Variants in ANKRD6 observed in about 807,000 individuals in gnomAD.
The protein encoded by ANKRD6 is ankyrin repeat domain-containing protein 6.
In ANKRD6, 56 loss-of-function variants were observed where a neutral mutation model predicts 82.3. That is an observed-to-expected ratio of 0.68 (90% CI 0.55 to 0.85). The LOEUF is 0.85. Among genes scored for constraint, ANKRD6 ranks in the 40% least tolerant of loss-of-function variants. ANKRD6 has a pLI of 0.00. For missense variants in ANKRD6, 852 were observed against 907.6 expected (o/e 0.94, Z 0.79); for synonymous variants, 347 against 352.1 (o/e 0.99, Z 0.16).
chr6:89,623,099 A>C (rs562802763), intron 10 of ANKRD6, among the ~76,000 whole-genome samples: 17 of 152,132 alleles, frequency 1.1e-4, no homozygotes, highest in African/African-American at 3.6e-4. Flanking sequence ...AAACGATCAA[A>C]AATCTCTAAT....
Position 89,553,739 on chromosome 6 carries a change from C to T in ANKRD6, c.-143-13095C>T, listed in dbSNP as rs1373507157. Among the ~76,000 whole-genome samples, 3 of 152,176 alleles carry T rather than the reference C, an allele frequency of 2.0e-5. No individual in the cohort carries two copies. In the East Asian group the frequency reaches 5.8e-4, roughly 29 times the overall value. ...CAGCGTGCCTCTCGTCTCGCCCTCA[C>T]CAGCAGGACCCACTTCTCCTGCTGA... On this transcript the variant is annotated intron_variant, in intron 1 of 15. Coordinates refer to ENST00000339746, the MANE Select transcript of ANKRD6 (RefSeq NM_001242809.2).
intron 10 of ANKRD6, among the ~76,000 whole-genome samples, 193 bp from the exon 11 acceptor site, chr6:89,623,217 C>T (rs1327175742): frequency 1.3e-5 from 2 of 152,062 alleles, no homozygotes; most frequent in Non-Finnish European, 2.9e-5. Context: ...GCCAAATGTT[C>T]AACCAACCAG....
intron 10 of ANKRD6, among the ~76,000 whole-genome samples, chr6:89,622,474 G>T (rs944749415): frequency 6.6e-6 from 1 of 152,228 alleles, no homozygotes; most frequent in African/African-American, 2.4e-5. Flanking sequence ...CCAGCAATCT[G>T]TGTTGGAACA....
rs1423409706 is a variant in ANKRD6 at position 89,624,059 on chromosome 6, T to C, written c.1218+2T>C. ...GGCAAGGATGGGAAAGTGATGCAGG[T>C]ACCTGCAAAGCAGTGTCAGGAGAAG... On this transcript the variant is annotated splice_donor_variant, in intron 12 of 15. Transcript: ENST00000339746. LOFTEE classifies it high-confidence loss of function. The C allele has an allele frequency of 6.2e-7, 1 of 1,605,130 alleles. No individual in the cohort carries two copies. The highest frequency in any genetic ancestry group is 8.5e-7 in the Non-Finnish European group (1 of 1,176,660).
At chr6:89,547,173 G>T (rs980301090) in intron 1 of ANKRD6, among the ~76,000 whole-genome samples, 1 of 136,910 alleles carries the variant, frequency 7.3e-6, no homozygotes, top group Non-Finnish European at 1.6e-5. Context: ...TGCTAAGAAC[G>T]GTAACTAGTT....
intron 3 of ANKRD6, among the ~76,000 whole-genome samples, chr6:89,599,832 C>G (rs772462019): frequency 1.3e-5 from 2 of 152,128 alleles, no homozygotes; most frequent in Non-Finnish European, 2.9e-5. Flanking sequence ...ACCATTCCAG[C>G]TAGTGTCAGC....
At chr6:89,592,120 G>A (rs1795028833) in intron 2 of ANKRD6, among the ~76,000 whole-genome samples, 2 of 152,226 alleles carry the variant, frequency 1.3e-5, no homozygotes, top group African/African-American at 2.4e-5. Flanking sequence ...GTGGACAAGA[G>A]GGCCAGGACT....
intron 13 of ANKRD6, among the ~76,000 whole-genome samples, chr6:89,626,961 A>G (rs368377154): frequency 1.8e-4 from 27 of 152,302 alleles, no homozygotes; most frequent in East Asian, 7.7e-4. Context: ...AACCACTAAC[A>G]TTTTTTAAAG....
chr6:89,630,972 A>C lies in ANKRD6; in HGVS notation c.2152A>C (p.Lys718Gln), dbSNP rs1414627649. The C allele has an allele frequency of 1.3e-6, 2 of 1,578,134 alleles. No individual in the cohort carries two copies. Among genetic ancestry groups the C allele is most frequent in the Admixed American group, 3.8e-5 (2 of 52,766 alleles). The change falls in exon 16 of 16, where the codon AAA becomes CAA. Residue 718 changes from lysine to glutamine, a missense_variant. Physicochemically the swap from Lys to Gln is moderately conservative, Grantham distance 53. Coordinates refer to ENST00000339746, the MANE Select transcript of ANKRD6 (RefSeq NM_001242809.2). ...HIKSLEEELA[K>Q]LRTRVQKEN ...TAAAAGTTTAGAAGAGGAACTTGCC[A>C]AACTAAGGACTAGGGTGCAGAAGGA... is the stretch of plus-strand genomic sequence containing the variant.
chr6:89,449,879 T>A (rs1310355643), intron 1 of ANKRD6, among the ~76,000 whole-genome samples: 2 of 152,202 alleles, frequency 1.3e-5, no homozygotes, highest in Admixed American at 6.6e-5. Context: ...CGGGTGAAGA[T>A]GCTGTGAATA....
At chr6:89,486,279 A>C (rs1285373248) in intron 1 of ANKRD6, among the ~76,000 whole-genome samples, 2 of 152,232 alleles carry the variant, frequency 1.3e-5, no homozygotes, top group African/African-American at 4.8e-5. Context: ...CAGATCAAGT[A>C]GCAGAAATGA....
In ANKRD6 at chr6:89,624,575, A is replaced by C. The variant is rs1804945337; in HGVS notation, c.1255A>C (p.Asn419His). The change falls in exon 13 of 16, where the codon AAC becomes CAC. Residue 419 changes from asparagine to histidine, a missense_variant. Transcript: ENST00000339746. ...INGCRCEPLI[N>H]KLENQLEATV... is the part of the protein sequence containing the mutation. ...TGGTTGTCGATGTGAACCTCTAATC[A>C]ACAAGCTGGAGAATCAGTTGGAGGC... The C allele has an allele frequency of 1.3e-6, 2 of 1,555,498 alleles. No homozygotes were observed. The highest frequency in any genetic ancestry group is 1.7e-6 in the Non-Finnish European group (2 of 1,148,990).
intron 1 of ANKRD6, among the ~76,000 whole-genome samples, chr6:89,467,628 C>G (rs1774998077): frequency 1.3e-5 from 2 of 152,160 alleles, no homozygotes; most frequent in Admixed American, 1.3e-4. Context: ...GAGCAGTGTT[C>G]ATAATGCTTA....
chr6:89,625,107 A>C (rs999991541), intron 13 of ANKRD6, among the ~76,000 whole-genome samples: 1 of 151,732 alleles, frequency 6.6e-6, no homozygotes, highest in African/African-American at 2.4e-5. Flanking sequence ...ACATGGTGAA[A>C]CCCCGCCTCT....
At chr6:89,557,153 A>C (rs1321986709) in intron 1 of ANKRD6, among the ~76,000 whole-genome samples, 2 of 152,186 alleles carry the variant, frequency 1.3e-5, no homozygotes, top group Non-Finnish European at 2.9e-5. Context: ...GGTTGTGAAT[A>C]CATTGATGGG....
chr6:89,614,014 GC>G, intron 7 of ANKRD6, 124 bp downstream of exon 7: 1 of 896,948 alleles, frequency 1.1e-6, no homozygotes, highest in Non-Finnish European at 1.7e-6. Flanking sequence ...CTGGGACTCA[GC>G]CAGCAGTGGG....
At chr6:89,504,632 T>C (rs912711223) in intron 1 of ANKRD6, among the ~76,000 whole-genome samples, 122 of 152,266 alleles carry the variant, frequency 8.0e-4, no homozygotes, top group Non-Finnish European at 2.5e-4. Flanking sequence ...CTCAAACTCC[T>C]GGACTCAAGC....
chr6:89,480,891 A>G (rs970088582), intron 1 of ANKRD6, among the ~76,000 whole-genome samples: 4 of 138,162 alleles, frequency 2.9e-5, no homozygotes, highest in Non-Finnish European at 6.1e-5. Flanking sequence ...ACAGTGAGCC[A>G]TCATTGTGCC....
intron 2 of ANKRD6, among the ~76,000 whole-genome samples, chr6:89,587,595 T>G (rs903561880): frequency 1.9e-4 from 29 of 152,350 alleles, no homozygotes; most frequent in African/African-American, 5.1e-4. Context: ...CATTTATGAT[T>G]ATTATTATTT....
Sources: allele counts gnomAD v4.1 joint callset (sites outside exome capture counted in the v4.1 genomes callset), GRCh38; gene constraint gnomAD v4.1.1; transcripts MANE v1.5; gene names NCBI Gene and HGNC (gene_info 2026-07-23, HGNC 2026-07-21).